OXSR1: variants seen among roughly 807,000 people sequenced by gnomAD.
The protein encoded by OXSR1 is oxidative stress responsive kinase 1.
In OXSR1, 24 loss-of-function variants were observed where a neutral mutation model predicts 79.8. The observed-to-expected ratio is 0.30, with a 90% confidence interval of 0.22 to 0.42. The LOEUF (loss-of-function observed/expected upper bound fraction) is 0.42, where lower values mean the gene tolerates loss of function less well. Among genes scored for constraint, OXSR1 ranks in the 10% least tolerant of loss-of-function variants. OXSR1 has a pLI of 1.00. For missense variants in OXSR1, 430 were observed against 618.4 expected, an observed-to-expected ratio of 0.70 and a Z score of 3.23; for synonymous variants, 226 against 209.2, an observed-to-expected ratio of 1.08 and a Z score of -0.69.
intron 10 of OXSR1, among the ~76,000 whole-genome samples, chr3:38,234,449 A>G (rs1023356813): frequency 1.3e-5 from 2 of 152,244 alleles, no homozygotes; most frequent in Admixed American, 1.3e-4. Context: ...ATCTGAATAG[A>G]AACTTCTTGA....
intron 1 of OXSR1, among the ~76,000 whole-genome samples, chr3:38,182,309 C>T (rs946961573): frequency 1.3e-5 from 2 of 152,102 alleles, no homozygotes; most frequent in African/African-American, 4.8e-5. Flanking sequence ...ACCTGGCTGG[C>T]GCTGTGGAGA....
chr3:38,219,209 T>C (rs1299579000), intron 5 of OXSR1, among the ~76,000 whole-genome samples: 3 of 152,142 alleles, frequency 2.0e-5, no homozygotes, highest in Non-Finnish European at 4.4e-5. Context: ...TTAACTAGTC[T>C]TCAGGGTTCA....
Position 38,221,601 on chromosome 3 carries a change from G to A in OXSR1, c.514G>A (p.Ala172Thr). 6.2e-7 allele frequency: 1 copy of A among 1,611,914 alleles called. No homozygotes were observed. Among genetic ancestry groups the A allele is most frequent in the Non-Finnish European group, 8.5e-7 (1 of 1,178,322 alleles). The change falls in exon 6 of 18, where the codon GCA (alanine) becomes ACA (threonine). Residue 172 changes from alanine to threonine, a missense_variant. By Grantham distance (58) the Ala-to-Thr change is moderately conservative. Around this residue, in one of 3 missense-constraint regions of OXSR1, gnomAD observed 145 missense variants for 228.3 expected, o/e 0.64. Coordinates refer to ENST00000311806, the MANE Select transcript of OXSR1 (RefSeq NM_005109.3). ...AGACTTTGGGGTTAGTGCTTTTTTA[G>A]CAACTGGTGGTGATATTACCCGAAA... ...IADFGVSAFLATGGDITRNKV... is the reference protein window; with the variant it reads ...IADFGVSAFLTTGGDITRNKV...
rs1367088503 is a variant in OXSR1, at chr3:38,255,268, G to A, written c.*2377G>A. ...TTCTAAACGACTAAAGGATTTGTTG[G>A]GTTTTTGCTTAAGTTTTGAACCAAA... is the stretch of plus-strand genomic sequence containing the variant. On this transcript the variant is annotated 3_prime_UTR_variant, in exon 18 of 18. Transcript: ENST00000311806. 6.6e-6 allele frequency: 1 copy of A among 152,540 alleles called. No individual in the cohort carries two copies. The highest frequency in any genetic ancestry group is 1.5e-5 in the Non-Finnish European group (1 of 68,026). 9.4% of individuals were successfully genotyped at this position (152,540 alleles called of 1,614,324 possible).
chr3:38,225,665 C>T (rs932587868), intron 8 of OXSR1, among the ~76,000 whole-genome samples: 10 of 151,956 alleles, frequency 6.6e-5, no homozygotes, highest in East Asian at 1.9e-4. Context: ...TATCCTGTTA[C>T]AAATACCTAG....
At chr3:38,208,972 G>A (rs1038219641) in intron 4 of OXSR1, among the ~76,000 whole-genome samples, 9 of 148,762 alleles carry the variant, frequency 6.0e-5, no homozygotes, top group Non-Finnish European at 8.9e-5. Flanking sequence ...GTGTGTGTGT[G>A]TGTGTGTGTG....
chr3:38,190,766 T>C lies in OXSR1; in HGVS notation c.219T>C (p.Pro73=). 6.2e-7 allele frequency: 1 copy of C among 1,606,406 alleles called. No homozygotes were observed. Among genetic ancestry groups the C allele is most frequent in the East Asian group, 2.2e-5 (1 of 44,818 alleles). The change falls in exon 3 of 18, where the codon CCT becomes CCC. Residue 73 remains proline, a synonymous_variant. Transcript: ENST00000311806. ...EIQAMSQCHH[P]NIVSYYTSFV... ...AAGCCATGAGTCAATGCCATCATCC[T>C]AATATTGTATCTTACTACACATCTT...
intron 5 of OXSR1, among the ~76,000 whole-genome samples, chr3:38,220,851 A>G (rs907418225): frequency 2.0e-5 from 3 of 152,130 alleles, no homozygotes; most frequent in Non-Finnish European, 2.9e-5. Context: ...AACCAGGGCT[A>G]TTTACAGAAA....
chr3:38,216,266 G>C, intron 5 of OXSR1, 115 bp downstream of exon 5: 1 of 660,100 alleles, frequency 1.5e-6, no homozygotes, highest in Non-Finnish European at 2.6e-6. Context: ...CTCTATTCAA[G>C]CATCCTCTGT....
Position 38,251,484 on chromosome 3 carries a change from C to A in OXSR1, c.1444+13C>A. On this transcript the variant is annotated intron_variant, in intron 16 of 17. Transcript: ENST00000311806. ...GATTTAGTAATAGGTAACTCCATTG[C>A]GTTCTGCTCATGTGCTCCTGTGTCT... is the stretch of plus-strand genomic sequence containing the variant. The A allele has an allele frequency of 1.2e-6, 2 of 1,603,562 alleles. No homozygotes were observed. Among genetic ancestry groups the A allele is most frequent in the Non-Finnish European group, 1.7e-6 (2 of 1,170,592 alleles).
In OXSR1 at chr3:38,220,120, G is replaced by T. The variant is rs1464770243; in HGVS notation, c.491-1458G>T. 2.0e-5 allele frequency among the ~76,000 whole-genome samples: 3 copies of T among 147,746 alleles called. No individual in the cohort carries two copies. The East Asian group carries it at 5.9e-4, about 29-fold the overall frequency. On this transcript the variant is annotated intron_variant, in intron 5 of 17. Transcript: ENST00000311806. ...CTGTGCCCAGCCAAGATTATTGTGTGTTTTTTTTTTATAATTCTAAGTGCA... is the reference window on the plus strand; with the variant it reads ...CTGTGCCCAGCCAAGATTATTGTGTTTTTTTTTTTTATAATTCTAAGTGCA...
chr3:38,236,649 A>G, intron 10 of OXSR1, 190 bp from the exon 11 acceptor site: 1 of 407,000 alleles, frequency 2.5e-6, no homozygotes, highest in Non-Finnish European at 4.4e-6. Flanking sequence ...TTGTTACTAA[A>G]GACAGGTAGT....
chr3:38,178,620 A>ATATATATATAT (rs1265646743), intron 1 of OXSR1, among the ~76,000 whole-genome samples: 2 of 95,126 alleles, frequency 2.1e-5, no homozygotes, highest in African/African-American at 8.9e-5. Flanking sequence ...ATATATATAT[A>ATATATATATAT]TTTTTTTTTT....
rs1414252098 is a variant in OXSR1 at position 38,216,132 on chromosome 3, T to C, written c.471T>C (p.Asp157=). 1 of 1,598,798 alleles carries C rather than the reference T, an allele frequency of 6.3e-7. No individual in the cohort carries two copies. The highest frequency in any genetic ancestry group is 2.2e-5 in the East Asian group (1 of 44,710). Reference sequence around the variant, plus strand: ...CTGGAAACATTCTTCTTGGAGAAGATGGCTCAGTACAGATTGCAGGTAATG... The same window carrying C: ...CTGGAAACATTCTTCTTGGAGAAGACGGCTCAGTACAGATTGCAGGTAATG... ...VKAGNILLGE[D]GSVQIADFGV... Residue 157 remains aspartate, a synonymous_variant, in exon 5 of 18, where the codon GAT becomes GAC. Transcript: ENST00000311806.
Position 38,215,440 on chromosome 3 carries a change from T to TA in OXSR1, c.435-647dup, listed in dbSNP as rs35964299. ...AATTTTGCCAAAAACTTGTTTTTGC[T>TA]AAAAAAAAACTAAGTTGTAGATTTG... On this transcript the variant is annotated intron_variant, in intron 4 of 17. Transcript: ENST00000311806. Among the ~76,000 whole-genome samples, 472 of 151,286 alleles carry TA rather than the reference T, an allele frequency of 3.1e-3. 3 individuals carry two copies. Among genetic ancestry groups the TA allele is most frequent in the African/African-American group, 9.1e-3 (376 of 41,252 alleles).
At chr3:38,202,338 G>T (rs550070673) in intron 4 of OXSR1, among the ~76,000 whole-genome samples, 30 of 152,166 alleles carry the variant, frequency 2.0e-4, no homozygotes, top group Non-Finnish European at 3.5e-4. Context: ...AAGAGAGAGA[G>T]AAAGTATAAT....
At chr3:38,183,168 T>C in intron 2 of OXSR1, 53 bp downstream of exon 2, 1 of 841,906 alleles carries the variant, frequency 1.2e-6, no homozygotes, top group South Asian at 2.0e-5. Flanking sequence ...ATATTCACAT[T>C]ACAATGGGAA....
intron 10 of OXSR1, among the ~76,000 whole-genome samples, chr3:38,233,542 GAA>G (rs982527402): frequency 6.6e-6 from 1 of 151,694 alleles, no homozygotes; most frequent in African/African-American, 2.4e-5. Context: ...AAAATAAACA[GAA>G]AAAAAGAGAA....
chr3:38,186,461 T>C (rs1234116833), intron 2 of OXSR1, among the ~76,000 whole-genome samples: 1 of 152,188 alleles, frequency 6.6e-6, no homozygotes, highest in Admixed American at 6.5e-5. Context: ...TGACCACTCA[T>C]TCTTTATTCT....
Sources: allele counts gnomAD v4.1 joint callset (sites outside exome capture counted in the v4.1 genomes callset), GRCh38; gene constraint gnomAD v4.1.1; regional missense constraint gnomAD v4.1.1; transcripts MANE v1.5; gene names NCBI Gene and HGNC (gene_info 2026-07-23, HGNC 2026-07-21).